CUX1: variants seen among roughly 807,000 people sequenced by gnomAD.
CUX1 encodes the protein cut like homeobox 1.
In CUX1, 31 loss-of-function variants were observed where a neutral mutation model predicts 158.8. The observed-to-expected ratio is 0.20, with a 90% CI of 0.15 to 0.26. The LOEUF is 0.26. Ranked by LOEUF, CUX1 falls within the 10% of genes least tolerant of loss-of-function variation. The probability of loss-of-function intolerance (pLI) is 1.00; values close to 1 mark genes in which losing one functional copy is unlikely to be tolerated. For missense variants in CUX1, 1,589 were observed against 2,014.6 expected (o/e 0.79, Z 4.04); for synonymous variants, 879 against 862.1 (o/e 1.02, Z -0.34).
At position 101,916,860 on chromosome 7, in the gene CUX1, G is replaced by A. The variant is rs887103837; in HGVS notation, c.141+635G>A. On this transcript the variant is annotated intron_variant, in intron 2 of 23. Coordinates refer to ENST00000292535, the MANE Select transcript of CUX1 (RefSeq NM_181552.4). This position sits in a 1 kb window ranked among gnomAD's most constrained non-coding sequence, Gnocchi z 4.4. Reference sequence around the variant, plus strand: ...TTGCTGGGGTGGCGTTTTTCTGCTCGTTTCCTGGCCCCTTCTTCCTTCCCT... The same window carrying A: ...TTGCTGGGGTGGCGTTTTTCTGCTCATTTCCTGGCCCCTTCTTCCTTCCCT... Among the ~76,000 whole-genome samples, 2 of 151,636 alleles carry A rather than the reference G, an allele frequency of 1.3e-5. No homozygotes were observed. Among genetic ancestry groups the A allele is most frequent in the East Asian group, 1.9e-4 (1 of 5,162 alleles).
At chr7:101,969,193 A>C (rs1321432515) in intron 2 of CUX1, among the ~76,000 whole-genome samples, 1 of 151,426 alleles carries the variant, frequency 6.6e-6, no homozygotes, top group Non-Finnish European at 1.5e-5. Flanking sequence ...AAATTAGCTG[A>C]GCGTGGTGGC....
At chr7:102,030,697 T>TTTTTTTTGTTTTTTGTTTTTTTTG (rs1167565058) in intron 3 of CUX1, among the ~76,000 whole-genome samples, 41 of 145,510 alleles carry the variant, frequency 2.8e-4, no homozygotes, top group African/African-American at 8.9e-4. Flanking sequence ...AAGTGTTTTT[T>TTTTTTTTGTTTTTTGTTTTTTTTG]TTTTTTGAGA....
At chr7:101,867,957 C>T (rs1257855355) in intron 1 of CUX1, among the ~76,000 whole-genome samples, 2 of 152,052 alleles carry the variant, frequency 1.3e-5, no homozygotes, top group East Asian at 1.9e-4. Context: ...GTGATCTGCC[C>T]GCCTTGGCCT....
At chr7:101,898,829 G>A (rs1356529379) in intron 1 of CUX1, among the ~76,000 whole-genome samples, 1 of 152,182 alleles carries the variant, frequency 6.6e-6, no homozygotes, top group Non-Finnish European at 1.5e-5. Context: ...GACCACAGGT[G>A]ATCTGCCTGC....
At chr7:102,031,673 T>C (rs926130548) in intron 3 of CUX1, among the ~76,000 whole-genome samples, 1 of 152,170 alleles carries the variant, frequency 6.6e-6, no homozygotes, top group African/African-American at 2.4e-5. Context: ...TTATGTATAC[T>C]TAAGGTATAC....
chr7:102,003,375 C>T lies in CUX1; in HGVS notation c.142-24723C>T, dbSNP rs547190556. ...CCACTGTTCTGTTGTCAGTTGTGTT[C>T]GTTGTTTTCTTGTAAATAAACAGTA... On this transcript the variant is annotated intron_variant, in intron 2 of 23. Coordinates refer to ENST00000292535, the MANE Select transcript of CUX1 (RefSeq NM_181552.4). Among the ~76,000 whole-genome samples, 9 of 151,350 alleles carry T rather than the reference C, an allele frequency of 5.9e-5. No homozygotes were observed. The East Asian group carries it at 1.4e-3, about 23-fold the overall frequency.
At chr7:101,974,064 G>A (rs1013730735) in intron 2 of CUX1, among the ~76,000 whole-genome samples, 6 of 151,192 alleles carry the variant, frequency 4.0e-5, no homozygotes, top group East Asian at 3.9e-4. Flanking sequence ...CACTGCGCCC[G>A]GCCCAGATTC....
At chr7:102,137,995 G>C (rs1237480590) in intron 8 of CUX1, among the ~76,000 whole-genome samples, 1 of 152,150 alleles carries the variant, frequency 6.6e-6, no homozygotes, top group Non-Finnish European at 1.5e-5. Flanking sequence ...AGACCAGCCT[G>C]GGCAACGTAG....
chr7:102,086,735 G>A (rs543343264), intron 4 of CUX1, among the ~76,000 whole-genome samples: 50 of 151,972 alleles, frequency 3.3e-4, no homozygotes, highest in Non-Finnish European at 6.3e-4. Context: ...TGTGGATGGC[G>A]TTTTGAAATC....
At chr7:101,995,191 C>G (rs1815690172) in intron 2 of CUX1, among the ~76,000 whole-genome samples, 1 of 152,138 alleles carries the variant, frequency 6.6e-6, no homozygotes, top group Non-Finnish European at 1.5e-5. Context: ...GGGCACACCC[C>G]TCACTCCAGC....
intron 6 of CUX1, among the ~76,000 whole-genome samples, chr7:102,105,148 C>T (rs1182540428): frequency 6.6e-6 from 1 of 150,804 alleles, no homozygotes; most frequent in Non-Finnish European, 1.5e-5. Context: ...ACTCTTTCTG[C>T]CTTCTCAAGC....
chr7:102,115,099 C>T (rs1022753832), intron 7 of CUX1, 108 bp from the exon 8 acceptor site: 14 of 930,908 alleles, frequency 1.5e-5, no homozygotes, highest in Non-Finnish European at 2.2e-5. Context: ...TTTCCACGCA[C>T]CTCGCTCCTC....
In CUX1 at chr7:102,252,143, T is replaced by C. The variant is rs1014110357; in HGVS notation, c.*3101T>C. On this transcript the variant is annotated 3_prime_UTR_variant, in exon 24 of 24. Coordinates refer to ENST00000292535, the MANE Select transcript of CUX1 (RefSeq NM_181552.4). ...TTTATTTTTTTAAAAAAAATAGAGA[T>C]CCTAACCTTAGATCTTTGATGTGAA... The C allele has an allele frequency of 1.0e-6, 1 of 985,104 alleles. No individual in the cohort carries two copies. The highest frequency in any genetic ancestry group is 1.2e-6 in the Non-Finnish European group (1 of 829,664). The allele number at this position is 985,104 out of a possible 1,614,324, so 61.0% of individuals were successfully genotyped here.
intron 13 of CUX1, among the ~76,000 whole-genome samples, chr7:102,194,414 A>G (rs1448846032): frequency 6.6e-6 from 1 of 150,984 alleles, no homozygotes; most frequent in Non-Finnish European, 1.5e-5. Flanking sequence ...AGCCTGGGCA[A>G]TATAGCAAGA....
intron 8 of CUX1, among the ~76,000 whole-genome samples, chr7:102,157,618 A>T (rs565180093): frequency 2.1e-4 from 32 of 152,192 alleles, no homozygotes; most frequent in Non-Finnish European, 8.8e-5. Flanking sequence ...TGTCTGTACT[A>T]AAAATACAAA....
At chr7:102,243,885 G>A (rs1181913629) in intron 23 of CUX1, among the ~76,000 whole-genome samples, 3 of 151,836 alleles carry the variant, frequency 2.0e-5, no homozygotes, top group Non-Finnish European at 2.9e-5. Flanking sequence ...AAATTAGCCC[G>A]GTGTGGTGGC....
intron 4 of CUX1, among the ~76,000 whole-genome samples, chr7:102,076,915 T>TC (rs1826794194): frequency 6.6e-6 from 1 of 151,602 alleles, no homozygotes; most frequent in Non-Finnish European, 1.5e-5. Flanking sequence ...TCGCCTGTAG[T>TC]CCCAGCTGCT....
chr7:102,017,458 CCT>C (rs1272872958), intron 2 of CUX1, among the ~76,000 whole-genome samples: 2 of 126,560 alleles, frequency 1.6e-5, no homozygotes, highest in African/African-American at 5.8e-5. Flanking sequence ...GAAATTGAGA[CCT>C]CACCATTCTC....
exon 15 of CUX1, chr7:102,273,405 T>G (rs1554546773): frequency 6.2e-7 from 1 of 1,612,346 alleles, no homozygotes; most frequent in Non-Finnish European, 8.5e-7. Context: ...ACTGAGGCTG[T>G]GGCCACAGCC....
Sources: gnomAD v4.1 joint callset for allele counts (sites outside exome capture counted in the v4.1 genomes callset) on GRCh38, gnomAD v4.1.1 for gene constraint, Gnocchi (gnomAD v3.1) non-coding constraint, MANE v1.5 for transcripts, NCBI Gene and HGNC (gene_info 2026-07-23, HGNC 2026-07-21) for gene names.